The following SHOC2 variants were observed in gnomAD, a reference collection of about 807,000 sequenced individuals.
The protein encoded by SHOC2 is leucine-rich repeat protein SHOC-2.
In SHOC2, 4 loss-of-function variants were observed where a neutral mutation model predicts 50.2. That is an observed-to-expected ratio of 0.08 (90% CI 0.04 to 0.18). The LOEUF (loss-of-function observed/expected upper bound fraction) is 0.18, where lower values mean the gene tolerates loss of function less well. Ranked by LOEUF, SHOC2 falls within the 10% of genes least tolerant of loss-of-function variation. The pLI, the probability that SHOC2 is intolerant of heterozygous loss-of-function variation, is 1.00. For missense variants in SHOC2, 388 were observed against 669.6 expected (o/e 0.58, Z 4.64); for synonymous variants, 218 against 244.5 (o/e 0.89, Z 1.01).
At chr10:110,947,340 T>G (rs1010063800) in intron 1 of SHOC2, among the ~76,000 whole-genome samples, 1 of 152,210 alleles carries the variant, frequency 6.6e-6, no homozygotes, top group Non-Finnish European at 1.5e-5. Flanking sequence ...GCAGCAAGCC[T>G]GCTCGTGGAC....
chr10:110,960,041 A>C (rs747065980), intron 1 of SHOC2, among the ~76,000 whole-genome samples: 1 of 152,212 alleles, frequency 6.6e-6, no homozygotes, highest in African/African-American at 2.4e-5. Flanking sequence ...AGCGTTTCCA[A>C]ATTTGGCAGC....
intron 4 of SHOC2, among the ~76,000 whole-genome samples, chr10:111,002,616 C>T (rs552451932): frequency 2.6e-5 from 4 of 151,952 alleles, no homozygotes; most frequent in East Asian, 1.9e-4. Flanking sequence ...AAACAGATAG[C>T]GAAATAAGGC....
At chr10:110,994,473 A>C (rs1848235324) in intron 3 of SHOC2, among the ~76,000 whole-genome samples, 4 of 152,256 alleles carry the variant, frequency 2.6e-5, no homozygotes, top group African/African-American at 9.6e-5. Flanking sequence ...GGTATTCATT[A>C]CATAATTCTT....
At chr10:110,965,648 G>A (rs1168482981) in intron 2 of SHOC2, among the ~76,000 whole-genome samples, 4 of 152,152 alleles carry the variant, frequency 2.6e-5, no homozygotes, top group African/African-American at 9.6e-5. Context: ...CACCTGTAGT[G>A]AATGCAGCAC....
rs1847623631 is a variant in SHOC2 at position 110,964,083 on chromosome 10, A to C, written c.-234-42A>C. The C allele has an allele frequency of 4.4e-6, 2 of 451,052 alleles. No individual in the cohort carries two copies. The highest frequency in any genetic ancestry group is 7.7e-6 in the Non-Finnish European group (2 of 259,034). The allele number at this position is 451,052 out of a possible 1,614,324, so 27.9% of individuals were successfully genotyped here. On this transcript the variant is annotated intron_variant, in intron 1 of 8. Transcript: ENST00000369452. The surrounding 1 kb of genome is among the most constrained non-coding windows in gnomAD (Gnocchi z 4.9). Reference sequence around the variant, plus strand: ...TGTTTTTCAGAGCCTATTTAATATAAATTATCTAAAGTAATTTAATACTGT... The same window carrying C: ...TGTTTTTCAGAGCCTATTTAATATACATTATCTAAAGTAATTTAATACTGT...
chr10:110,971,914 T>G (rs997887280), intron 2 of SHOC2, among the ~76,000 whole-genome samples: 14 of 151,966 alleles, frequency 9.2e-5, no homozygotes, highest in Non-Finnish European at 1.9e-4. Context: ...CACATACATG[T>G]GTATATAATT....
At chr10:110,985,855 C>CAGG in intron 3 of SHOC2, 90 bp downstream of exon 3, 1 of 1,137,698 alleles carries the variant, frequency 8.8e-7, no homozygotes, top group African/African-American at 1.5e-5. Context: ...AATGAAAATT[C>CAGG]AGGAGTAAAA....
At chr10:110,944,457 T>G (rs1382738205) in intron 1 of SHOC2, among the ~76,000 whole-genome samples, 1 of 152,086 alleles carries the variant, frequency 6.6e-6, no homozygotes, top group Admixed American at 6.5e-5. Context: ...GGACAGTTTC[T>G]GTTATTTGCT....
intron 1 of SHOC2, among the ~76,000 whole-genome samples, chr10:110,932,421 G>A (rs1590778510): frequency 1.3e-5 from 2 of 152,184 alleles, no homozygotes; most frequent in East Asian, 3.8e-4. Flanking sequence ...TGGATATGGT[G>A]AGACCAGTTA....
At chr10:110,940,216 C>G (rs1847108185) in intron 1 of SHOC2, among the ~76,000 whole-genome samples, 1 of 152,088 alleles carries the variant, frequency 6.6e-6, no homozygotes, top group Non-Finnish European at 1.5e-5. Context: ...TACTCAGTTT[C>G]CCAATACTAG....
chr10:110,947,862 A>C (rs770194704), intron 1 of SHOC2, among the ~76,000 whole-genome samples: 23 of 152,160 alleles, frequency 1.5e-4, no homozygotes, highest in Non-Finnish European at 2.6e-4. Flanking sequence ...ACAAAATGAC[A>C]ATGTTAAGAC....
At chr10:110,999,109 G>A (rs1848319723) in intron 3 of SHOC2, among the ~76,000 whole-genome samples, 1 of 152,204 alleles carries the variant, frequency 6.6e-6, no homozygotes, top group Non-Finnish European at 1.5e-5. Context: ...GTTAAGTGTT[G>A]ACACAGGCTT....
At chr10:110,941,427 A>G (rs1289347909) in intron 1 of SHOC2, among the ~76,000 whole-genome samples, 1 of 151,564 alleles carries the variant, frequency 6.6e-6, no homozygotes, top group Non-Finnish European at 1.5e-5. Flanking sequence ...CGCCTCCCAG[A>G]CTCAAGTGAT....
chr10:111,004,791 GA>G lies in SHOC2; in HGVS notation c.1160del (p.Lys387ArgfsTer5). 6.3e-7 allele frequency: 1 copy of G among 1,595,864 alleles called. No homozygotes were observed. On this transcript the variant is annotated frameshift_variant and splice_region_variant, in exon 5 of 9. Coordinates refer to ENST00000369452, the MANE Select transcript of SHOC2 (RefSeq NM_007373.4). LOFTEE classifies it high-confidence loss of function. ...RAKVLSKLNM[K>X]DNQLTSLPLD... ...CAAAAGTATTAAGTAAGCTGAATAT[GA>G]AGGTAAGCATATATTTGTTTACTAG...
intron 1 of SHOC2, among the ~76,000 whole-genome samples, chr10:110,929,418 T>C (rs1055270765): frequency 2.0e-5 from 3 of 152,192 alleles, no homozygotes; most frequent in African/African-American, 7.2e-5. Context: ...ATATCAAAGC[T>C]TCTGATGTGG....
rs117612679 is a variant in SHOC2, at chr10:110,955,863, C to T, written c.-234-8262C>T. ...CAACACTGAACAAAGTTCCTGTTCT[C>T]GTTGAAGAGTTAGGAGGAAGGAAGG... On this transcript the variant is annotated intron_variant, in intron 1 of 8. Coordinates refer to ENST00000369452, the MANE Select transcript of SHOC2 (RefSeq NM_007373.4). Among the ~76,000 whole-genome samples, 649 of 151,966 alleles carry T rather than the reference C, an allele frequency of 4.3e-3. 11 individuals carry two copies. The East Asian group carries it at 0.045, about 11-fold the overall frequency.
chr10:110,999,335 A>G (rs989460633), intron 3 of SHOC2, among the ~76,000 whole-genome samples: 1 of 152,150 alleles, frequency 6.6e-6, no homozygotes. Flanking sequence ...TTTAACGTAT[A>G]TTGTTTGCAG....
intron 2 of SHOC2, among the ~76,000 whole-genome samples, chr10:110,975,572 A>G (rs1590812367): frequency 2.0e-5 from 3 of 146,424 alleles, no homozygotes; most frequent in Non-Finnish European, 3.1e-5. Context: ...CAAATGTTTT[A>G]TAGCATATCA....
intron 2 of SHOC2, among the ~76,000 whole-genome samples, chr10:110,984,660 T>G (rs1011941702): frequency 1.3e-5 from 2 of 152,116 alleles, no homozygotes; most frequent in African/African-American, 4.8e-5. Flanking sequence ...CAAGACCAAT[T>G]AAAAATGAAA....
Sources: allele counts gnomAD v4.1 joint callset (sites outside exome capture counted in the v4.1 genomes callset), GRCh38; gene constraint gnomAD v4.1.1; non-coding constraint Gnocchi (gnomAD v3.1); transcripts MANE v1.5; gene names NCBI Gene and HGNC (gene_info 2026-07-23, HGNC 2026-07-21).